The following CCDC33 variants were observed in gnomAD, a reference collection of about 807,000 sequenced individuals.
CCDC33 encodes the protein coiled-coil domain containing 33, also known as coiled-coil domain-containing protein 33.
CCDC33 carries 94 observed loss-of-function variants against 91.9 expected under a neutral mutation model. That is an observed-to-expected ratio of 1.02 (90% CI 0.87 to 1.21). The LOEUF (loss-of-function observed/expected upper bound fraction) is 1.21, where lower values mean the gene tolerates loss of function less well. CCDC33 is among the 50% of genes most tolerant of loss of function. The pLI is 0.00. For synonymous variants in CCDC33, 396 were observed against 374.5 expected (o/e 1.06, Z -0.66); for missense variants, 940 against 935.5 (o/e 1.00, Z -0.06).
At chr15:74,294,640 A>G (rs567493995) in intron 10 of CCDC33, among the ~76,000 whole-genome samples, 16 of 151,736 alleles carry the variant, frequency 1.1e-4, no homozygotes, top group South Asian at 6.3e-4. Flanking sequence ...CCAGCTACTC[A>G]GGAGGCTAAG....
At chr15:74,208,138 C>T (rs1336590378) in intron 1 of CCDC33, 1 of 937,114 alleles carries the variant, frequency 1.1e-6, no homozygotes, top group Non-Finnish European at 1.4e-6. Flanking sequence ...AGGGGAGCAG[C>T]ATGTTCTTTC....
intron 2 of CCDC33, among the ~76,000 whole-genome samples, chr15:74,258,379 A>G (rs1448119384): frequency 1.3e-5 from 2 of 152,124 alleles, no homozygotes; most frequent in East Asian, 3.8e-4. Context: ...AAAACAAACC[A>G]GGCCGCCTGT....
chr15:74,253,114 T>C (rs1195520870), intron 2 of CCDC33, among the ~76,000 whole-genome samples: 1 of 152,184 alleles, frequency 6.6e-6, no homozygotes, highest in Non-Finnish European at 1.5e-5. Flanking sequence ...CATAACAGCC[T>C]CAGAGGGCAT....
chr15:74,335,446 C>A lies in CCDC33; in HGVS notation c.2139+358C>A. The A allele has an allele frequency of 5.8e-6, 3 of 521,450 alleles. No individual in the cohort carries two copies. The South Asian group carries it at 7.6e-5, about 13-fold the overall frequency. The allele number at this position is 521,450 out of a possible 1,614,324, so 32.3% of individuals were successfully genotyped here. On this transcript the variant is annotated intron_variant, in intron 18 of 18. Transcript: ENST00000398814. ...TGGGCAGAGTAGCTTGTGGCCCTACCCCCCTGAATCCATAGAGCCTAAGAT... is the reference window on the plus strand; with the variant it reads ...TGGGCAGAGTAGCTTGTGGCCCTACACCCCTGAATCCATAGAGCCTAAGAT...
At chr15:74,277,864 A>G (rs2076489479) in intron 7 of CCDC33, among the ~76,000 whole-genome samples, 1 of 152,208 alleles carries the variant, frequency 6.6e-6, no homozygotes, top group African/African-American at 2.4e-5. Context: ...AAGGGCAGCT[A>G]GCGTCTACTA....
chr15:74,277,687 A>C (rs990288710), intron 7 of CCDC33, among the ~76,000 whole-genome samples: 2 of 152,152 alleles, frequency 1.3e-5, no homozygotes, highest in African/African-American at 4.8e-5. Context: ...CTGCACATGC[A>C]CAAGACAGGC....
Position 74,275,052 on chromosome 15 carries a change from C to T in CCDC33, c.759+2161C>T, listed in dbSNP as rs184097027. Among the ~76,000 whole-genome samples the T allele has an allele frequency of 5.9e-4, 90 of 152,370 alleles. 1 individual carries two copies. Among genetic ancestry groups the T allele is most frequent in the Admixed American group, 5.4e-3 (82 of 15,308 alleles). Reference sequence around the variant, plus strand: ...CAGCAGCGTGAGCTCAGTCTTCACACAGACCCCTGCCCTGTTCCCTTTGAG... The same window carrying T: ...CAGCAGCGTGAGCTCAGTCTTCACATAGACCCCTGCCCTGTTCCCTTTGAG... On this transcript the variant is annotated intron_variant, in intron 7 of 18. Transcript: ENST00000398814.
upstream of CCDC33, among the ~76,000 whole-genome samples, chr15:74,235,661 G>A (rs1335531845): frequency 6.6e-6 from 1 of 152,014 alleles, no homozygotes; most frequent in African/African-American, 2.4e-5. Context: ...CTCACCAAAA[G>A]CACTTAGGAC....
intron 11 of CCDC33, among the ~76,000 whole-genome samples, chr15:74,307,891 C>T (rs1185877259): frequency 6.6e-6 from 1 of 151,176 alleles, no homozygotes; most frequent in Non-Finnish European, 1.5e-5. Context: ...CAGGCCCCCA[C>T]CCCTCAACCC....
intron 2 of CCDC33, among the ~76,000 whole-genome samples, chr15:74,250,955 G>A (rs1171867850): frequency 6.6e-6 from 1 of 152,208 alleles, no homozygotes; most frequent in Non-Finnish European, 1.5e-5. Context: ...CTCACAGTGG[G>A]CACTGAGACC....
chr15:74,214,467 T>A (rs191112386), upstream of CCDC33, among the ~76,000 whole-genome samples: 19 of 152,120 alleles, frequency 1.2e-4, no homozygotes, highest in African/African-American at 4.6e-4. Flanking sequence ...TTGAAAACCG[T>A]GGGAGGCTGA....
intron 1 of CCDC33, among the ~76,000 whole-genome samples, chr15:74,241,427 G>A (rs1162859955): frequency 1.3e-5 from 2 of 152,234 alleles, no homozygotes; most frequent in Non-Finnish European, 2.9e-5. Context: ...GGCAGAGGCG[G>A]GGAGGCAGGA....
chr15:74,242,160 C>T lies in CCDC33; in HGVS notation c.22-1825C>T, dbSNP rs566195854. 2.4e-4 allele frequency among the ~76,000 whole-genome samples: 36 copies of T among 152,352 alleles called. No individual in the cohort carries two copies. In the South Asian group the frequency reaches 7.5e-3, roughly 32 times the overall value. On this transcript the variant is annotated intron_variant, in intron 1 of 18. Transcript: ENST00000398814. Reference sequence around the variant, plus strand: ...CCTGAGGCTTCCAGGAGCCAAGGCTCAAGGTAGGAGCAGAGCAGCTTCCAG... The same window carrying T: ...CCTGAGGCTTCCAGGAGCCAAGGCTTAAGGTAGGAGCAGAGCAGCTTCCAG...
chr15:74,203,109 C>T, intron 1 of CCDC33: 2 of 985,582 alleles, frequency 2.0e-6, no homozygotes, highest in East Asian at 1.1e-4. Context: ...GTGAGACGGA[C>T]CGCTGGGGCT....
At chr15:74,334,082 G>A in intron 17 of CCDC33, 115 bp downstream of exon 17, 1 of 918,014 alleles carries the variant, frequency 1.1e-6, no homozygotes, top group Non-Finnish European at 1.6e-6. Context: ...TCAAGGCTTA[G>A]TGTGTGGCCA....
At chr15:74,203,992 G>A (rs971346360) in intron 1 of CCDC33, among the ~76,000 whole-genome samples, 7 of 152,158 alleles carry the variant, frequency 4.6e-5, no homozygotes, top group African/African-American at 1.4e-4. Flanking sequence ...AATCCTGGAG[G>A]CTCTCTTTCA....
At chr15:74,278,039 C>T (rs2076494399) in intron 7 of CCDC33, among the ~76,000 whole-genome samples, 1 of 152,174 alleles carries the variant, frequency 6.6e-6, no homozygotes, top group Admixed American at 6.5e-5. Context: ...TGAAAGATCA[C>T]TCCCAAGCCC....
chr15:74,306,587 G>A (rs188457593), intron 11 of CCDC33, among the ~76,000 whole-genome samples: 5 of 152,180 alleles, frequency 3.3e-5, no homozygotes, highest in African/African-American at 1.2e-4. Flanking sequence ...TCACCAAAAG[G>A]CACTGTGGGG....
chr15:74,323,819 G>C (rs564288713), intron 11 of CCDC33, among the ~76,000 whole-genome samples: 1 of 151,812 alleles, frequency 6.6e-6, no homozygotes, highest in Non-Finnish European at 1.5e-5. Context: ...TTAAGCTGCC[G>C]GTTGGTTCAC....
Sources: gnomAD v4.1 joint callset for allele counts (sites outside exome capture counted in the v4.1 genomes callset) on GRCh38, gnomAD v4.1.1 for gene constraint, MANE v1.5 for transcripts, NCBI Gene and HGNC (gene_info 2026-07-23, HGNC 2026-07-21) for gene names.